The following DLG2 variants were observed in gnomAD, a reference collection of about 807,000 sequenced individuals.
DLG2 encodes discs large MAGUK scaffold protein 2.
DLG2 carries 45 observed loss-of-function variants against 132.5 expected under a neutral mutation model. That is an observed-to-expected ratio of 0.34 (90% CI 0.27 to 0.44). The LOEUF (loss-of-function observed/expected upper bound fraction) is 0.44, where lower values mean the gene tolerates loss of function less well. Ranked by LOEUF, DLG2 falls within the 20% of genes least tolerant of loss-of-function variation. The pLI, the probability that DLG2 is intolerant of heterozygous loss-of-function variation, is 1.00. For synonymous variants in DLG2, 424 were observed against 419.6 expected, an observed-to-expected ratio of 1.01 and a Z score of -0.13; for missense variants, 1,045 against 1,196.9, an observed-to-expected ratio of 0.87 and a Z score of 1.87.
At chr11:84,087,938 T>C (rs2097018296) in intron 10 of DLG2, among the ~76,000 whole-genome samples, 1 of 152,226 alleles carries the variant, frequency 6.6e-6, no homozygotes, top group Non-Finnish European at 1.5e-5. Context: ...ACAGCAGCAA[T>C]AGAAAATAAT....
intron 17 of DLG2, among the ~76,000 whole-genome samples, chr11:83,815,696 T>C (rs1026716043): frequency 3.9e-5 from 6 of 152,144 alleles, no homozygotes; most frequent in Non-Finnish European, 7.4e-5. Flanking sequence ...AAGAACCTGT[T>C]TGAATGTTCA....
chr11:84,570,679 G>A (rs1307779617), intron 6 of DLG2, among the ~76,000 whole-genome samples: 1 of 152,142 alleles, frequency 6.6e-6, no homozygotes, highest in African/African-American at 2.4e-5. Flanking sequence ...GATCTGCCCT[G>A]AAGCCCATCA....
intron 15 of DLG2, among the ~76,000 whole-genome samples, chr11:83,890,241 G>C (rs911252785): frequency 3.3e-5 from 5 of 152,004 alleles, no homozygotes. Flanking sequence ...AATTGCCCTG[G>C]ATATCTTTTC....
chr11:83,729,588 C>A (rs925586028), intron 18 of DLG2, among the ~76,000 whole-genome samples: 4 of 152,178 alleles, frequency 2.6e-5, no homozygotes, highest in African/African-American at 9.7e-5. Context: ...GCATTAAGTT[C>A]TTCAAACCAG....
intron 6 of DLG2, among the ~76,000 whole-genome samples, chr11:84,669,733 A>C (rs1481388639): frequency 6.6e-6 from 1 of 152,064 alleles, no homozygotes; most frequent in Non-Finnish European, 1.5e-5. Flanking sequence ...CCACCTGACA[A>C]TATTTTGATC....
At chr11:85,028,921 C>A (rs1402741196) in intron 6 of DLG2, among the ~76,000 whole-genome samples, 1 of 152,178 alleles carries the variant, frequency 6.6e-6, no homozygotes. Flanking sequence ...GCTGTGCCTA[C>A]CCCGCTGCAG....
rs182170293 is a variant in DLG2, at chr11:84,577,247, G to A, written c.358-42516C>T. ...CAAAAGTGTGAAAATGAACTAATAT[G>A]GTAAATTGGTAACAGAAGTGGGATG... On this transcript the variant is annotated intron_variant, in intron 6 of 27. Transcript: ENST00000376104. 6.6e-5 allele frequency among the ~76,000 whole-genome samples: 10 copies of A among 152,200 alleles called. No individual in the cohort carries two copies. The East Asian group carries it at 1.5e-3, about 23-fold the overall frequency.
intron 6 of DLG2, among the ~76,000 whole-genome samples, chr11:84,644,433 G>A (rs550413959): frequency 6.6e-5 from 10 of 152,288 alleles, no homozygotes; most frequent in South Asian, 2.1e-4. Context: ...GAGGCCGGGC[G>A]CGGTGGCTCA....
chr11:83,690,595 C>G (rs2080809680), intron 18 of DLG2, among the ~76,000 whole-genome samples: 1 of 141,078 alleles, frequency 7.1e-6, no homozygotes, highest in African/African-American at 2.6e-5. Flanking sequence ...AATGCCTTTA[C>G]AAGTACTTAT....
At chr11:84,635,426 T>A (rs901776415) in intron 6 of DLG2, among the ~76,000 whole-genome samples, 7 of 152,170 alleles carry the variant, frequency 4.6e-5, no homozygotes, top group African/African-American at 1.7e-4. Context: ...GTGAAAAATA[T>A]ACAGGCGTGC....
At chr11:85,425,816 G>A (rs1043277306) in intron 3 of DLG2, among the ~76,000 whole-genome samples, 2 of 152,136 alleles carry the variant, frequency 1.3e-5, no homozygotes, top group African/African-American at 2.4e-5. Flanking sequence ...AGCACACCAA[G>A]CAAGAGCCGA....
intron 8 of DLG2, among the ~76,000 whole-genome samples, chr11:84,220,472 C>A (rs1324516130): frequency 6.6e-6 from 1 of 152,120 alleles, no homozygotes; most frequent in Non-Finnish European, 1.5e-5. Context: ...ATGTTGGTTT[C>A]TATGTTTCAC....
At chr11:85,501,742 T>C (rs1264556030) in intron 3 of DLG2, among the ~76,000 whole-genome samples, 1 of 152,150 alleles carries the variant, frequency 6.6e-6, no homozygotes, top group Non-Finnish European at 1.5e-5. Flanking sequence ...CCAGTCAGAA[T>C]GGTGATCATT....
At chr11:83,462,968 T>C (rs528470006) in intron 26 of DLG2, among the ~76,000 whole-genome samples, 1 of 152,320 alleles carries the variant, frequency 6.6e-6, no homozygotes, top group East Asian at 1.9e-4. Context: ...TCCTGCCAAA[T>C]GCAATTTGGT....
At chr11:84,226,056 C>T (rs2096988516) in intron 8 of DLG2, among the ~76,000 whole-genome samples, 1 of 152,230 alleles carries the variant, frequency 6.6e-6, no homozygotes, top group Admixed American at 6.5e-5. Flanking sequence ...AGTGATCCGC[C>T]TGCCTTGGCC....
intron 8 of DLG2, among the ~76,000 whole-genome samples, chr11:84,250,383 C>T (rs766194479): frequency 2.8e-4 from 43 of 152,288 alleles, no homozygotes; most frequent in Non-Finnish European, 4.6e-4. Flanking sequence ...TTACTTTGTG[C>T]TAGGTACTGT....
At chr11:85,017,159 A>T (rs1023595362) in intron 6 of DLG2, among the ~76,000 whole-genome samples, 3 of 152,108 alleles carry the variant, frequency 2.0e-5, no homozygotes, top group African/African-American at 7.2e-5. Context: ...GATTTATATC[A>T]TTGACATCTT....
intron 7 of DLG2, among the ~76,000 whole-genome samples, chr11:84,442,576 T>C (rs1336261067): frequency 6.6e-6 from 1 of 152,050 alleles, no homozygotes; most frequent in African/African-American, 2.4e-5. Flanking sequence ...AAATACCTAA[T>C]GTAGATGACA....
At chr11:85,017,366 T>TTTC (rs35045347) in intron 6 of DLG2, among the ~76,000 whole-genome samples, 71 of 150,392 alleles carry the variant, frequency 4.7e-4, no homozygotes, top group East Asian at 1.8e-3. Flanking sequence ...CTTTTTTTTT[T>TTTC]ATTCCTTTCT....
Sources: gnomAD v4.1 joint callset for allele counts (sites outside exome capture counted in the v4.1 genomes callset) on GRCh38, gnomAD v4.1.1 for gene constraint, MANE v1.5 for transcripts, NCBI Gene and HGNC (gene_info 2026-07-23, HGNC 2026-07-21) for gene names.